CDH18: variants seen among roughly 807,000 people sequenced by gnomAD.
The protein encoded by CDH18 is cadherin 18, also known as cadherin-18.
CDH18 carries 31 observed loss-of-function variants against 67.9 expected under a neutral mutation model. The observed-to-expected ratio is 0.46, with a 90% CI of 0.34 to 0.62. The LOEUF is 0.62. Among genes scored for constraint, CDH18 ranks in the 20% least tolerant of loss-of-function variants. The probability of loss-of-function intolerance (pLI) is 0.01; values close to 1 mark genes in which losing one functional copy is unlikely to be tolerated. For synonymous variants in CDH18, 362 were observed against 347.2 expected (o/e 1.04, Z -0.48); for missense variants, 890 against 975.5 (o/e 0.91, Z 1.17).
At chr5:20,314,457 G>T (rs182885110) in intron 1 of CDH18, among the ~76,000 whole-genome samples, 83 of 152,130 alleles carry the variant, frequency 5.5e-4, no homozygotes, top group African/African-American at 1.9e-3. Context: ...CTTAAGAGAG[G>T]AATTGCTGAT....
intron 5 of CDH18, among the ~76,000 whole-genome samples, chr5:19,685,174 T>G (rs1310199726): frequency 6.6e-6 from 1 of 152,122 alleles, no homozygotes; most frequent in Non-Finnish European, 1.5e-5. Context: ...AAATGTCAAG[T>G]AGGGAAAATG....
rs34342467 is a variant in CDH18, at chr5:19,845,853, A to AATATAT, written c.-256-6617_-256-6612dup. Among the ~76,000 whole-genome samples the AATATAT allele has an allele frequency of 4.0e-4, 61 of 151,108 alleles. 1 individual carries two copies. Among genetic ancestry groups the AATATAT allele is most frequent in the Admixed American group, 5.9e-4 (9 of 15,152 alleles). ...TCTCTTTCGCTTAACATTTGCATGG[A>AATATAT]ATATATATATATGTATTATCCTTTC... is the stretch of plus-strand genomic sequence containing the variant. On this transcript the variant is annotated intron_variant, in intron 2 of 12. Coordinates refer to ENST00000382275, the MANE Select transcript of CDH18 (RefSeq NM_004934.5).
intron 2 of CDH18, among the ~76,000 whole-genome samples, chr5:19,875,178 T>C (rs937056894): frequency 1.9e-4 from 29 of 152,174 alleles, no homozygotes; most frequent in South Asian, 4.1e-4. Context: ...GTCTCACATA[T>C]GGGAGATGCT....
At chr5:19,559,729 G>C (rs564845486) in intron 8 of CDH18, among the ~76,000 whole-genome samples, 3 of 152,048 alleles carry the variant, frequency 2.0e-5, no homozygotes, top group Admixed American at 6.6e-5. Context: ...GTTGCTGTTT[G>C]GTGATGACAT....
rs564500363 is a variant in CDH18, at chr5:20,206,841, G to T, written c.-518+48603C>A. Among the ~76,000 whole-genome samples the T allele has an allele frequency of 1.7e-4, 26 of 151,998 alleles. 1 individual carries two copies. Among genetic ancestry groups the T allele is most frequent in the African/African-American group, 6.3e-4 (26 of 41,518 alleles). ...TCTCAAAAAACTTGGTGTAGAAGGA[G>T]TATATCTCAAAATAATAAAGGTCAT... On this transcript the variant is annotated intron_variant, in intron 2 of 14. Coordinates refer to the CDH18 transcript ENST00000507958.
chr5:19,679,865 C>T (rs1461357710), intron 5 of CDH18, among the ~76,000 whole-genome samples: 1 of 152,004 alleles, frequency 6.6e-6, no homozygotes, highest in Non-Finnish European at 1.5e-5. Flanking sequence ...GGCCATACTG[C>T]TCAAAGCCAT....
intron 1 of CDH18, among the ~76,000 whole-genome samples, chr5:20,407,654 A>C (rs1377474649): frequency 6.6e-6 from 1 of 152,066 alleles, no homozygotes; most frequent in Non-Finnish European, 1.5e-5. Context: ...TAGATTAAAC[A>C]GAAGAATGTA....
intron 5 of CDH18, among the ~76,000 whole-genome samples, chr5:19,704,955 A>G (rs2150498766): frequency 6.6e-6 from 1 of 152,310 alleles, no homozygotes; most frequent in East Asian, 1.9e-4. Context: ...CTGTTTCTTT[A>G]CTATTCCCTT....
chr5:19,700,706 A>G (rs1032192500), intron 5 of CDH18, among the ~76,000 whole-genome samples: 1 of 152,154 alleles, frequency 6.6e-6, no homozygotes, highest in African/African-American at 2.4e-5. Flanking sequence ...CATACTGCCA[A>G]TCAATTTCAG....
At chr5:19,961,582 TTTTG>T (rs762000940) in intron 2 of CDH18, among the ~76,000 whole-genome samples, 1 of 152,134 alleles carries the variant, frequency 6.6e-6, no homozygotes, top group Non-Finnish European at 1.5e-5. Context: ...CAGCACTGGA[TTTTG>T]TTTCACATTG....
chr5:19,576,495 C>T (rs1455463269), intron 7 of CDH18, among the ~76,000 whole-genome samples: 2 of 151,944 alleles, frequency 1.3e-5, no homozygotes, highest in Non-Finnish European at 1.5e-5. Context: ...TGAAAAATTC[C>T]TCAATATCTC....
chr5:20,297,741 T>C (rs1747653015), intron 1 of CDH18, among the ~76,000 whole-genome samples: 1 of 152,118 alleles, frequency 6.6e-6, no homozygotes, highest in Non-Finnish European at 1.5e-5. Flanking sequence ...GAAAAAAAAT[T>C]GTTAGGGCTT....
intron 2 of CDH18, among the ~76,000 whole-genome samples, chr5:19,908,641 C>G (rs1049923960): frequency 3.3e-5 from 5 of 152,128 alleles, no homozygotes; most frequent in Non-Finnish European, 5.9e-5. Context: ...ATTCCTTATA[C>G]AGTATATTAT....
At chr5:20,392,062 T>A (rs1341691172) in intron 1 of CDH18, among the ~76,000 whole-genome samples, 2 of 151,938 alleles carry the variant, frequency 1.3e-5, no homozygotes, top group Non-Finnish European at 2.9e-5. Context: ...TGTAGATAAA[T>A]GTAATACTTG....
At chr5:19,986,737 C>T (rs1050972343) in intron 1 of CDH18, among the ~76,000 whole-genome samples, 5 of 152,182 alleles carry the variant, frequency 3.3e-5, no homozygotes, top group African/African-American at 4.8e-5. Flanking sequence ...TCATTATCTA[C>T]GAGTATCACA....
chr5:20,408,572 A>T (rs1259846785), intron 1 of CDH18, among the ~76,000 whole-genome samples: 1 of 151,978 alleles, frequency 6.6e-6, no homozygotes, highest in Non-Finnish European at 1.5e-5. Flanking sequence ...AACCATGAAG[A>T]AAATGCAAAT....
chr5:19,886,569 A>G (rs1788231012), intron 2 of CDH18, among the ~76,000 whole-genome samples: 1 of 152,160 alleles, frequency 6.6e-6, no homozygotes, highest in African/African-American at 2.4e-5. Context: ...CTCGCAATCA[A>G]TCTTTCTCTT....
In CDH18 at chr5:20,237,447, A is replaced by G. The variant is rs534341359; in HGVS notation, c.-518+17997T>C. Among the ~76,000 whole-genome samples, 4 of 151,974 alleles carry G rather than the reference A, an allele frequency of 2.6e-5. No homozygotes were observed. The East Asian group carries it at 7.7e-4, about 29-fold the overall frequency. ...GAAAAATTGATTGAAACTATAAAAA[A>G]GTAGTATACTTAATAACAAGTAAAT... On this transcript the variant is annotated intron_variant, in intron 2 of 14. Transcript: ENST00000507958.
At chr5:19,612,285 T>G in intron 6 of CDH18, 149 bp downstream of exon 6, 3 of 674,362 alleles carry the variant, frequency 4.4e-6, no homozygotes, top group Non-Finnish European at 7.4e-6. Context: ...AGTGATTTCA[T>G]GAGTCTTACA....
Sources: allele counts gnomAD v4.1 joint callset (sites outside exome capture counted in the v4.1 genomes callset), GRCh38; gene constraint gnomAD v4.1.1; transcripts MANE v1.5; gene names NCBI Gene and HGNC (gene_info 2026-07-23, HGNC 2026-07-21).